CTBP2: variants seen among roughly 807,000 people sequenced by gnomAD.
The protein encoded by CTBP2 is C-terminal-binding protein 2.
Under a neutral mutation model 80.3 loss-of-function variants are expected in CTBP2, and 30 were observed. The observed-to-expected ratio is 0.37, with a 90% confidence interval of 0.28 to 0.51. The LOEUF is 0.51. Ranked by LOEUF, CTBP2 falls within the 20% of genes least tolerant of loss-of-function variation. CTBP2 has a pLI of 0.93. For missense variants in CTBP2, 1,212 were observed against 1,375.3 expected (o/e 0.88, Z 1.88); for synonymous variants, 594 against 587.4 (o/e 1.01, Z -0.16).
intron 6 of CTBP2, 113 bp from the exon 9 acceptor site, chr10:124,993,442 G>A: frequency 8.6e-7 from 1 of 1,167,182 alleles, no homozygotes; most frequent in Middle Eastern, 2.0e-4. Flanking sequence ...TAGATAGCAT[G>A]GATACAGGAA....
intron 2 of CTBP2, among the ~76,000 whole-genome samples, chr10:125,068,124 C>A (rs1844926383): frequency 6.6e-6 from 1 of 152,192 alleles, no homozygotes; most frequent in Non-Finnish European, 1.5e-5. Flanking sequence ...GCCAATTTCA[C>A]CATGCGGCCC....
chr10:125,132,694 T>A (rs887751294), intron 1 of CTBP2, among the ~76,000 whole-genome samples: 1 of 152,206 alleles, frequency 6.6e-6, no homozygotes, highest in Non-Finnish European at 1.5e-5. Flanking sequence ...ATAATACTTA[T>A]AAACTTATTT....
At chr10:125,053,075 C>T (rs1963143131) in intron 2 of CTBP2, among the ~76,000 whole-genome samples, 1 of 150,392 alleles carries the variant, frequency 6.6e-6, no homozygotes, top group Non-Finnish European at 1.5e-5. Context: ...GTACAAAAGG[C>T]TTATTCGAAG....
intron 1 of CTBP2, among the ~76,000 whole-genome samples, chr10:125,019,412 T>C (rs904351347): frequency 1.3e-5 from 2 of 152,090 alleles, no homozygotes; most frequent in Admixed American, 1.3e-4. Context: ...TTCTTGGGGG[T>C]AAATAAATTT....
At chr10:125,128,742 A>C (rs896206021) in intron 1 of CTBP2, among the ~76,000 whole-genome samples, 2 of 152,236 alleles carry the variant, frequency 1.3e-5, no homozygotes, top group Non-Finnish European at 2.9e-5. Flanking sequence ...TGTTATAACC[A>C]CTTTGTAAGA....
exon 1 of CTBP2, chr10:125,160,420 TGGCGGC>T (rs1300528227): frequency 1.1e-5 from 1 of 90,222 alleles, no homozygotes; most frequent in East Asian, 3.6e-4. Flanking sequence ...GCGGTGGCGG[TGGCGGC>T]GGCTGTGCGG....
At chr10:125,099,837 C>T (rs1005138830) in intron 2 of CTBP2, among the ~76,000 whole-genome samples, 1 of 152,172 alleles carries the variant, frequency 6.6e-6, no homozygotes, top group African/African-American at 2.4e-5. Context: ...ATAGATAAGA[C>T]CAGGTCTGGC....
At chr10:125,054,640 C>T (rs1333052794) in intron 2 of CTBP2, among the ~76,000 whole-genome samples, 1 of 152,212 alleles carries the variant, frequency 6.6e-6, no homozygotes, top group East Asian at 1.9e-4. Context: ...TGTCACACAG[C>T]AATAGATAAC....
intron 2 of CTBP2, among the ~76,000 whole-genome samples, chr10:125,043,463 G>C (rs1013583275): frequency 6.6e-6 from 1 of 151,998 alleles, no homozygotes. Context: ...TTGAGAAGGA[G>C]TCTTGCTCTG....
intron 2 of CTBP2, among the ~76,000 whole-genome samples, chr10:125,069,323 AAATACTGCCTATGGCC>A (rs1392297726): frequency 1.3e-5 from 2 of 152,210 alleles, no homozygotes; most frequent in Non-Finnish European, 2.9e-5. Flanking sequence ...AAACACACAA[AAATACTGCCTATGGCC>A]AAGTGCGGTG....
chr10:125,063,166 C>T (rs947147679), intron 2 of CTBP2, among the ~76,000 whole-genome samples: 18 of 152,320 alleles, frequency 1.2e-4, no homozygotes, highest in African/African-American at 2.9e-4. Flanking sequence ...GAACCAAAAA[C>T]GAACAATGGG....
intron 2 of CTBP2, among the ~76,000 whole-genome samples, chr10:125,048,281 C>G (rs1448390319): frequency 6.6e-6 from 1 of 152,168 alleles, no homozygotes; most frequent in Non-Finnish European, 1.5e-5. Context: ...GCATGGCCTT[C>G]CAGAGGCTGC....
chr10:125,103,574 A>T (rs1322566480), intron 2 of CTBP2, among the ~76,000 whole-genome samples: 1 of 152,176 alleles, frequency 6.6e-6, no homozygotes, highest in Non-Finnish European at 1.5e-5. Flanking sequence ...AGGCAGAGGG[A>T]GCCCAAATGC....
chr10:125,053,978 G>A (rs754655825), intron 2 of CTBP2, among the ~76,000 whole-genome samples: 4 of 152,108 alleles, frequency 2.6e-5, no homozygotes, highest in Non-Finnish European at 5.9e-5. Context: ...TGGGGAATCC[G>A]AAGCCGGATA....
intron 1 of CTBP2, among the ~76,000 whole-genome samples, chr10:125,005,044 G>A (rs1955047080): frequency 6.6e-6 from 1 of 152,178 alleles, no homozygotes; most frequent in South Asian, 2.1e-4. Context: ...TTAGCCACAC[G>A]CTCGGAGACG....
chr10:125,145,914 A>C (rs1858687663), intron 1 of CTBP2, among the ~76,000 whole-genome samples: 1 of 151,664 alleles, frequency 6.6e-6, no homozygotes, highest in Non-Finnish European at 1.5e-5. Flanking sequence ...TGCTTTTCCA[A>C]GTGAGATTTT....
chr10:124,992,343 T>C (rs1033439442), intron 8 of CTBP2, among the ~76,000 whole-genome samples: 1 of 150,722 alleles, frequency 6.6e-6, no homozygotes, highest in Non-Finnish European at 1.5e-5. Flanking sequence ...CAAGCACCTC[T>C]CCCACCTCAG....
At chr10:125,021,523 AGGC>A (rs1957034644) in intron 1 of CTBP2, among the ~76,000 whole-genome samples, 1 of 151,602 alleles carries the variant, frequency 6.6e-6, no homozygotes, top group Non-Finnish European at 1.5e-5. Context: ...GGCCAGGTTC[AGGC>A]ACTCGCTGAG....
chr10:125,092,859 T>A (rs72830899), intron 2 of CTBP2, among the ~76,000 whole-genome samples: 58 of 152,260 alleles, frequency 3.8e-4, no homozygotes, highest in Non-Finnish European at 6.0e-4. Flanking sequence ...CCCAGTGAGA[T>A]GTTCACACAA....
Sources: gnomAD v4.1 joint callset for allele counts (sites outside exome capture counted in the v4.1 genomes callset) on GRCh38, gnomAD v4.1.1 for gene constraint, MANE v1.5 for transcripts, NCBI Gene and HGNC (gene_info 2026-07-23, HGNC 2026-07-21) for gene names.